Variants in PTPRB observed in about 807,000 individuals in gnomAD.
PTPRB encodes receptor-type tyrosine-protein phosphatase beta.
In PTPRB, 97 loss-of-function variants were observed where a neutral mutation model predicts 238.1. The ratio of observed to expected loss-of-function variants is 0.41; its 90% CI spans 0.35 to 0.48. The LOEUF (loss-of-function observed/expected upper bound fraction) is 0.48. PTPRB is among the 20% of genes least tolerant of loss of function. The pLI is 0.30. For missense variants in PTPRB, 2,292 were observed against 2,681.9 expected (o/e 0.85, Z 3.21); for synonymous variants, 970 against 995.4 (o/e 0.97, Z 0.48).
At chr12:70,601,935 C>T (rs1182645790) in intron 4 of PTPRB, among the ~76,000 whole-genome samples, 5 of 149,916 alleles carry the variant, frequency 3.3e-5, no homozygotes, top group South Asian at 2.1e-4. Context: ...GGACTACAGG[C>T]GCCCGCCACC....
At position 70,519,134 on chromosome 12, in the gene PTPRB, C is replaced by T. The variant is rs563326501; in HGVS notation, c.*2355G>A. On this transcript the variant is annotated 3_prime_UTR_variant, in exon 34 of 34. Coordinates refer to ENST00000334414, the MANE Select transcript of PTPRB (RefSeq NM_001109754.4). ...TAAACATTTCCTGGGTTGGATTAGA[C>T]TAAAAAAACCTACGATTTTTCCCTG... 6.6e-6 allele frequency: 1 copy of T among 152,182 alleles called. No individual in the cohort carries two copies. The highest frequency in any genetic ancestry group is 2.4e-5 in the African/African-American group (1 of 41,538). The allele number at this position is 152,182 out of a possible 1,614,324, so 9.4% of individuals were successfully genotyped here.
At chr12:70,623,889 T>A (rs1021343971) in intron 2 of PTPRB, among the ~76,000 whole-genome samples, 7 of 152,124 alleles carry the variant, frequency 4.6e-5, no homozygotes, top group Non-Finnish European at 8.8e-5. Context: ...CATTCCAATT[T>A]CAACTGATTA....
chr12:70,556,260 C>T, intron 18 of PTPRB, 112 bp from the exon 19 acceptor site: 2 of 969,594 alleles, frequency 2.1e-6, no homozygotes, highest in Admixed American at 5.6e-5. Context: ...GACAGACAGG[C>T]AAATACAGAG....
intron 4 of PTPRB, chr12:70,608,736 G>A (rs1884169777): frequency 4.0e-6 from 1 of 251,800 alleles, no homozygotes; most frequent in Non-Finnish European, 7.5e-6. Context: ...TTATTCCAGG[G>A]TTTGACAATT....
At chr12:70,575,889 T>C (rs1402185534) in intron 11 of PTPRB, among the ~76,000 whole-genome samples, 3 of 152,182 alleles carry the variant, frequency 2.0e-5, no homozygotes, top group Non-Finnish European at 4.4e-5. Flanking sequence ...AATAGTGGTT[T>C]TGACCAACAG....
chr12:70,539,543 CCTATGATGA>C, intron 26 of PTPRB, 73 bp downstream of exon 26: 1 of 1,134,388 alleles, frequency 8.8e-7, no homozygotes, highest in Non-Finnish European at 1.3e-6. Context: ...GCTCAATCAG[CCTATGATGA>C]CACAGTAAAC....
At chr12:70,598,640 C>T (rs1237643602) in intron 4 of PTPRB, among the ~76,000 whole-genome samples, 2 of 152,068 alleles carry the variant, frequency 1.3e-5, no homozygotes, top group African/African-American at 4.8e-5. Flanking sequence ...ACAATGCTGT[C>T]GTACCCAATT....
intron 29 of PTPRB, 51 bp downstream of exon 29, chr12:70,535,974 A>C: frequency 6.2e-7 from 1 of 1,605,130 alleles, no homozygotes; most frequent in Non-Finnish European, 8.5e-7. Context: ...GCAGAATTCT[A>C]TCCAGGTGGC....
At chr12:70,521,603 C>A in intron 33 of PTPRB, 92 bp from the exon 34 acceptor site, 1 of 1,137,260 alleles carries the variant, frequency 8.8e-7, no homozygotes. Context: ...GAAAGACCAG[C>A]AGAAACATAT....
Position 70,576,615 on chromosome 12 carries a change from T to C in PTPRB, c.2609A>G (p.Asn870Ser). 1.4e-6 allele frequency: 2 copies of C among 1,382,394 alleles called. No homozygotes were observed. Among genetic ancestry groups the C allele is most frequent in the Non-Finnish European group, 1.9e-6 (2 of 1,044,644 alleles). The allele number at this position is 1,382,394 out of a possible 1,614,324, so 85.6% of individuals were successfully genotyped here. A position where few individuals can be genotyped will look rare whatever the true frequency, so the allele number is the denominator to read the frequency against. ...GAGGTAGTCATTACGACCGGAATTG[T>C]TCACCGTTACTCCACTCACACTGGA... ...VPSSVSGVTV[N>S]NSGRNDYLSV... Residue 870 changes from asparagine (N) to serine (S), a missense_variant, in exon 11 of 34, where the codon AAC becomes AGC. By Grantham distance (46) the Asn-to-Ser change is conservative. Around this residue, in one of 4 missense-constraint regions of PTPRB, gnomAD observed 1,205 missense variants for 1,287.8 expected, o/e 0.94. Coordinates refer to ENST00000334414, the MANE Select transcript of PTPRB (RefSeq NM_001109754.4).
chr12:70,548,774 C>T (rs909772838), intron 21 of PTPRB, among the ~76,000 whole-genome samples: 2 of 152,232 alleles, frequency 1.3e-5, no homozygotes, highest in Admixed American at 6.5e-5. Context: ...TCCCAGTCTA[C>T]TCCTTTTTAT....
At chr12:70,605,593 G>A (rs894175366) in intron 4 of PTPRB, among the ~76,000 whole-genome samples, 2 of 152,174 alleles carry the variant, frequency 1.3e-5, no homozygotes, top group Admixed American at 6.5e-5. Context: ...ATTCAGGTAA[G>A]GAAATGAATG....
intron 21 of PTPRB, among the ~76,000 whole-genome samples, chr12:70,549,820 T>C (rs1876610197): frequency 6.6e-6 from 1 of 152,174 alleles, no homozygotes; most frequent in African/African-American, 2.4e-5. Context: ...AACATATATA[T>C]TGGAGAAATA....
At chr12:70,524,035 T>G (rs1006382198) in intron 33 of PTPRB, among the ~76,000 whole-genome samples, 4 of 152,062 alleles carry the variant, frequency 2.6e-5, no homozygotes, top group Non-Finnish European at 5.9e-5. Flanking sequence ...GGTCTCGAGG[T>G]GATCTGCCCG....
At chr12:70,601,931 CA>C (rs1785450358) in intron 4 of PTPRB, among the ~76,000 whole-genome samples, 3 of 150,758 alleles carry the variant, frequency 2.0e-5, no homozygotes, top group Middle Eastern at 3.4e-3. Flanking sequence ...GCTGGGACTA[CA>C]GGCGCCCGCC....
At chr12:70,534,382 A>G in intron 31 of PTPRB, 106 bp downstream of exon 31, 1 of 1,337,226 alleles carries the variant, frequency 7.5e-7, no homozygotes, top group Non-Finnish European at 1.0e-6. Context: ...GTTGGTCCAG[A>G]CAAATCCTCC....
At chr12:70,569,063 A>C (rs772858684) in intron 14 of PTPRB, among the ~76,000 whole-genome samples, 13 of 152,104 alleles carry the variant, frequency 8.5e-5, no homozygotes, top group African/African-American at 3.1e-4. Flanking sequence ...TGAAAAATGC[A>C]TAATTATGGA....
intron 4 of PTPRB, among the ~76,000 whole-genome samples, chr12:70,603,440 A>G (rs1481766716): frequency 6.6e-6 from 1 of 152,194 alleles, no homozygotes; most frequent in African/African-American, 2.4e-5. Flanking sequence ...CTTGACTTTG[A>G]AAAATAATAA....
chr12:70,516,972 G>C lies in PTPRB; in HGVS notation c.*4517C>G, dbSNP rs933224076. 3.3e-5 allele frequency: 5 copies of C among 152,142 alleles called. No homozygotes were observed. The highest frequency in any genetic ancestry group is 3.3e-4 in the Admixed American group (5 of 15,264). 9.4% of individuals were successfully genotyped at this position (152,142 alleles called of 1,614,324 possible). A position where few individuals can be genotyped will look rare whatever the true frequency, so the allele number is the denominator to read the frequency against. On this transcript the variant is annotated 3_prime_UTR_variant, in exon 34 of 34. Coordinates refer to ENST00000334414, the MANE Select transcript of PTPRB (RefSeq NM_001109754.4). ...TTATTCCGAGGGAGCCTCCCTACAAGTCAAGAGTATTCTCTTAGCCAGAAA... is the reference window on the plus strand; with the variant it reads ...TTATTCCGAGGGAGCCTCCCTACAACTCAAGAGTATTCTCTTAGCCAGAAA...
Sources: gnomAD v4.1 joint callset for allele counts (sites outside exome capture counted in the v4.1 genomes callset) on GRCh38, gnomAD v4.1.1 for gene constraint, gnomAD v4.1.1 regional missense constraint, MANE v1.5 for transcripts, NCBI Gene and HGNC (gene_info 2026-07-23, HGNC 2026-07-21) for gene names.